XKR4: variants seen among roughly 807,000 people sequenced by gnomAD.
XKR4 encodes XK related 4.
In XKR4, 12 loss-of-function variants were observed where a neutral mutation model predicts 53.9. The ratio of observed to expected loss-of-function variants is 0.22; its 90% CI spans 0.14 to 0.36. The LOEUF is 0.36. Among genes scored for constraint, XKR4 ranks in the 10% least tolerant of loss-of-function variants. The pLI, the probability that XKR4 is intolerant of heterozygous loss-of-function variation, is 1.00. For missense variants in XKR4, 799 were observed against 859.5 expected (o/e 0.93, Z 0.88); for synonymous variants, 354 against 362.4 (o/e 0.98, Z 0.26).
At chr8:55,365,751 G>A (rs987775642) in intron 2 of XKR4, among the ~76,000 whole-genome samples, 1 of 151,856 alleles carries the variant, frequency 6.6e-6, no homozygotes, top group Non-Finnish European at 1.5e-5. Flanking sequence ...AGGAATGGGC[G>A]GCACAGGTGC....
At chr8:55,109,340 A>C (rs1816201019) in intron 1 of XKR4, among the ~76,000 whole-genome samples, 1 of 152,202 alleles carries the variant, frequency 6.6e-6, no homozygotes, top group South Asian at 2.1e-4. Flanking sequence ...ATATTAGACT[A>C]ACCTTTGCTT....
intron 1 of XKR4, among the ~76,000 whole-genome samples, chr8:55,122,985 A>C (rs1252291272): frequency 6.6e-6 from 1 of 152,082 alleles, no homozygotes; most frequent in Non-Finnish European, 1.5e-5. Flanking sequence ...CTCTGAACCC[A>C]CTTGTACCTG....
At chr8:55,454,801 C>A (rs554887913) in intron 2 of XKR4, 9 of 771,268 alleles carry the variant, frequency 1.2e-5, no homozygotes, top group Non-Finnish European at 2.2e-5. Context: ...GGCAGATGGG[C>A]AGGCTCTGTG....
chr8:55,398,095 T>C (rs1585555452), intron 2 of XKR4, among the ~76,000 whole-genome samples: 1 of 152,352 alleles, frequency 6.6e-6, no homozygotes, highest in East Asian at 1.9e-4. Context: ...AATAAAACCC[T>C]GATATCCCCA....
chr8:55,237,631 C>T lies in XKR4; in HGVS notation c.807-120047C>T, dbSNP rs549248755. Among the ~76,000 whole-genome samples the T allele has an allele frequency of 2.0e-5, 3 of 152,262 alleles. No homozygotes were observed. In the South Asian group the frequency reaches 6.2e-4, roughly 32 times the overall value. ...TGTTCAAGGATCAACTTCTGCATAT[C>T]TCCACTACTTTCACATCTTGATTAT... On this transcript the variant is annotated intron_variant, in intron 1 of 2. Coordinates refer to ENST00000327381, the MANE Select transcript of XKR4 (RefSeq NM_052898.2).
intron 2 of XKR4, among the ~76,000 whole-genome samples, chr8:55,477,676 G>T (rs1467200173): frequency 6.7e-6 from 1 of 149,360 alleles, no homozygotes; most frequent in Admixed American, 6.6e-5. Context: ...TAGATGAATG[G>T]ATAACTAGGA....
chr8:55,242,181 C>T (rs894496163), intron 1 of XKR4, among the ~76,000 whole-genome samples: 4 of 152,120 alleles, frequency 2.6e-5, no homozygotes. Flanking sequence ...CTTTTTTAGT[C>T]CCCCATAAGG....
chr8:55,531,364 A>G lies in XKR4; in HGVS notation c.*7137A>G, dbSNP rs1275913108. On this transcript the variant is annotated 3_prime_UTR_variant, in exon 3 of 3. Transcript: ENST00000327381. ...AAATATAGAAAAGTTAACAGTAAAA[A>G]ATATAGTATTATTGTCTTATGGGAT... 3.3e-5 allele frequency: 5 copies of G among 152,200 alleles called. No individual in the cohort carries two copies. Among genetic ancestry groups the G allele is most frequent in the Non-Finnish European group, 7.3e-5 (5 of 68,038 alleles). The allele number at this position is 152,200 out of a possible 1,614,324, so 9.4% of individuals were successfully genotyped here.
intron 1 of XKR4, among the ~76,000 whole-genome samples, chr8:55,336,345 G>A (rs2129381471): frequency 6.6e-6 from 1 of 152,232 alleles, no homozygotes; most frequent in African/African-American, 2.4e-5. Flanking sequence ...CCACAATTCT[G>A]AGGCCTCCCC....
intron 1 of XKR4, among the ~76,000 whole-genome samples, chr8:55,234,486 A>G (rs1298236810): frequency 1.3e-5 from 2 of 152,176 alleles, no homozygotes; most frequent in African/African-American, 4.8e-5. Flanking sequence ...GAATTTAAAC[A>G]TCTCCTGTCT....
chr8:55,379,844 A>G (rs1804206086), intron 2 of XKR4, among the ~76,000 whole-genome samples: 1 of 152,204 alleles, frequency 6.6e-6, no homozygotes, highest in Admixed American at 6.5e-5. Flanking sequence ...CCGACCATCC[A>G]GGCTGGTGCA....
Position 55,156,400 on chromosome 8 carries a change from C to G in XKR4, c.806+53106C>G, listed in dbSNP as rs574711898. ...AGGTAAGACGCTGCGCGCATAGTCA[C>G]GGCGTAAGATGGCGAGGTGGGGGTG... On this transcript the variant is annotated intron_variant, in intron 1 of 2. Coordinates refer to ENST00000327381, the MANE Select transcript of XKR4 (RefSeq NM_052898.2). Among the ~76,000 whole-genome samples, 437 of 99,314 alleles carry G rather than the reference C, an allele frequency of 4.4e-3. 1 individual carries two copies. The highest frequency in any genetic ancestry group is 0.04 in the Middle Eastern group (5 of 124). The allele number at this position is 99,314 out of a possible 152,430, so 65.2% of individuals were successfully genotyped here. A position where few individuals can be genotyped will look rare whatever the true frequency, so the allele number is the denominator to read the frequency against.
rs140527647 is a variant in XKR4, at chr8:55,211,952, G to A, written c.806+108658G>A. 1.6e-3 allele frequency among the ~76,000 whole-genome samples: 238 copies of A among 152,282 alleles called. 4 individuals are homozygous for A. Among genetic ancestry groups the A allele is most frequent in the Non-Finnish European group, 7.2e-4 (49 of 68,026 alleles). On this transcript the variant is annotated intron_variant, in intron 1 of 2. Coordinates refer to ENST00000327381, the MANE Select transcript of XKR4 (RefSeq NM_052898.2). ...AGACATAAGACATCAGTCAATACAT[G>A]TAAGATGTGCATGGGTTTGGTCTAA...
intron 2 of XKR4, among the ~76,000 whole-genome samples, chr8:55,458,088 G>A (rs927019089): frequency 3.3e-5 from 5 of 152,052 alleles, no homozygotes; most frequent in Non-Finnish European, 5.9e-5. Flanking sequence ...CAATCCATAC[G>A]AAAATTCCAG....
At chr8:55,397,205 A>C (rs777281120) in intron 2 of XKR4, among the ~76,000 whole-genome samples, 4 of 152,226 alleles carry the variant, frequency 2.6e-5, no homozygotes, top group Non-Finnish European at 5.9e-5. Context: ...CTTTGAGAGG[A>C]AGTTTTGTGG....
In XKR4 at chr8:55,531,597, A is replaced by G. The variant is rs1176281890; in HGVS notation, c.*7370A>G. 1.3e-5 allele frequency: 2 copies of G among 152,196 alleles called. No individual in the cohort carries two copies. The highest frequency in any genetic ancestry group is 4.8e-5 in the African/African-American group (2 of 41,460). The allele number at this position is 152,196 out of a possible 1,614,324, so 9.4% of individuals were successfully genotyped here. A position where few individuals can be genotyped will look rare whatever the true frequency, so the allele number is the denominator to read the frequency against. ...TCCAACACTAGATATTTTTAAATTGATATCACAACACACAAAAAAATTGAA... is the reference window on the plus strand; with the variant it reads ...TCCAACACTAGATATTTTTAAATTGGTATCACAACACACAAAAAAATTGAA... On this transcript the variant is annotated 3_prime_UTR_variant, in exon 3 of 3. Coordinates refer to ENST00000327381, the MANE Select transcript of XKR4 (RefSeq NM_052898.2).
intron 2 of XKR4, among the ~76,000 whole-genome samples, chr8:55,474,108 G>A (rs758534731): frequency 6.6e-5 from 10 of 151,916 alleles, no homozygotes; most frequent in South Asian, 6.2e-4. Flanking sequence ...ACGTGGTCTC[G>A]CTATGTTACC....
chr8:55,354,719 A>C (rs1056126989), intron 1 of XKR4, among the ~76,000 whole-genome samples: 4 of 151,804 alleles, frequency 2.6e-5, no homozygotes, highest in East Asian at 1.9e-4. Context: ...CAAAAAAAAA[A>C]CACACATGCA....
At chr8:55,376,263 T>C (rs1467708466) in intron 2 of XKR4, among the ~76,000 whole-genome samples, 1 of 152,204 alleles carries the variant, frequency 6.6e-6, no homozygotes, top group African/African-American at 2.4e-5. Flanking sequence ...GATTGCTGGG[T>C]AAAATGGTAT....
Sources: allele counts gnomAD v4.1 joint callset (sites outside exome capture counted in the v4.1 genomes callset), GRCh38; gene constraint gnomAD v4.1.1; transcripts MANE v1.5; gene names NCBI Gene and HGNC (gene_info 2026-07-23, HGNC 2026-07-21).